SNX19: variants seen among roughly 807,000 people sequenced by gnomAD.
SNX19 encodes sorting nexin-19.
Under a neutral mutation model 85.2 loss-of-function variants are expected in SNX19, and 60 were observed. That is an observed-to-expected ratio of 0.70 (90% confidence interval 0.57 to 0.87). The LOEUF (loss-of-function observed/expected upper bound fraction) is 0.87, where lower values mean the gene tolerates loss of function less well. Among genes scored for constraint, SNX19 ranks in the 40% least tolerant of loss-of-function variants. The pLI is 0.00. For synonymous variants in SNX19, 520 were observed against 470.0 expected, an observed-to-expected ratio of 1.11 and a Z score of -1.38; for missense variants, 1,201 against 1,217.8, an observed-to-expected ratio of 0.99 and a Z score of 0.21.
chr11:130,915,498 C>A lies in SNX19; in HGVS notation c.442G>T (p.Val148Leu). 6.2e-7 allele frequency: 1 copy of A among 1,614,236 alleles called. No homozygotes were observed. The highest frequency in any genetic ancestry group is 8.5e-7 in the Non-Finnish European group (1 of 1,180,048). Residue 148 changes from valine (V) to leucine (L), a missense_variant, in exon 1 of 11, where the codon GTG (valine) becomes TTG (leucine). Physicochemically the swap from Val to Leu is conservative, Grantham distance 32. This residue lies in a region of SNX19 where 791 missense variants were observed against 750.9 expected (regional missense o/e 1.05). Transcript: ENST00000265909. ...LVQELRRRMS[V>L]MDSHAVAQSV... ...TGGGCAACAGCATGACTGTCCATCA[C>A]GCTCATCCTTCTCCGAAGCTCCTGG...
intron 10 of SNX19, 78 bp from the exon 11 acceptor site, chr11:130,878,632 C>T (rs1592270645): frequency 6.6e-7 from 1 of 1,513,440 alleles, no homozygotes; most frequent in Admixed American, 2.0e-5. Context: ...TTTATTTTCT[C>T]CTCCCCCATC....
chr11:130,879,720 G>GA lies in SNX19; in HGVS notation c.2759-10dup, dbSNP rs1226659083. ...AATTTCTACTACGAGATCTGAGGAG[G>GA]AAAAAACAGATGGAATTTGCGTGTT... On this transcript the variant is annotated splice_polypyrimidine_tract_variant and intron_variant, in intron 9 of 10. Transcript: ENST00000265909. 6.2e-7 allele frequency: 1 copy of GA among 1,612,744 alleles called. No individual in the cohort carries two copies. Among genetic ancestry groups the GA allele is most frequent in the Non-Finnish European group, 8.5e-7 (1 of 1,178,904 alleles).
intron 8 of SNX19, among the ~76,000 whole-genome samples, chr11:130,902,129 T>C (rs1441771264): frequency 6.6e-6 from 1 of 152,262 alleles, no homozygotes; most frequent in African/African-American, 2.4e-5. Flanking sequence ...AGTGTGCTAC[T>C]AATGACGACC....
chr11:130,886,413 G>A (rs779679966), intron 8 of SNX19, among the ~76,000 whole-genome samples: 4 of 152,174 alleles, frequency 2.6e-5, no homozygotes, highest in African/African-American at 7.2e-5. Flanking sequence ...TTTAAAAAAA[G>A]TTTGAAAAAC....
intron 4 of SNX19, chr11:130,908,303 T>G (rs769064259): frequency 2.9e-5 from 11 of 380,498 alleles, no homozygotes; most frequent in African/African-American, 4.1e-5. Flanking sequence ...CCTTGAGGAG[T>G]AAAACAAACA....
intron 1 of SNX19, among the ~76,000 whole-genome samples, chr11:130,913,991 C>T (rs1946344644): frequency 6.6e-6 from 1 of 152,184 alleles, no homozygotes; most frequent in Admixed American, 6.5e-5. Context: ...TGAAAGGCAG[C>T]TCAAGTGATT....
At chr11:130,893,668 C>A in intron 8 of SNX19, 1 of 631,354 alleles carries the variant, frequency 1.6e-6, no homozygotes. Flanking sequence ...GGAGCACTGA[C>A]TATGGGTAGA....
intron 1 of SNX19, among the ~76,000 whole-genome samples, chr11:130,912,985 A>G (rs932378273): frequency 1.6e-4 from 25 of 152,188 alleles, no homozygotes; most frequent in African/African-American, 6.0e-4. Flanking sequence ...ATAATTGGCT[A>G]TATTATTTCG....
rs746428547 is a variant in SNX19 at position 130,914,577 on chromosome 11, C to G, written c.1363G>C (p.Glu455Gln). 7.4e-6 allele frequency: 12 copies of G among 1,613,872 alleles called. No homozygotes were observed. The highest frequency in any genetic ancestry group is 1.3e-5 in the African/African-American group (1 of 74,926). ...PEIHIDTADK[E>Q]IEQGDVTASV... The stretch of plus-strand genomic sequence containing the variant: ...GCGGTAACATCTCCTTGTTCTATCT[C>G]CTTGTCTGCTGTGTCAATATGGATC... Residue 455 changes from glutamate (E) to glutamine (Q), a missense_variant, in exon 1 of 11, where the codon GAG becomes CAG. Transcript: ENST00000265909.
At position 130,915,436 on chromosome 11, in the gene SNX19, G is replaced by A. The variant is rs1473398358; in HGVS notation, c.504C>T (p.Ser168=). The A allele has an allele frequency of 6.2e-7, 1 of 1,613,994 alleles. No homozygotes were observed. The highest frequency in any genetic ancestry group is 1.7e-5 in the Admixed American group (1 of 60,032). The change falls in exon 1 of 11, where the codon AGC becomes AGT. Residue 168 remains serine, a synonymous_variant. Transcript: ENST00000265909. The part of the protein sequence containing the change: ...VLTLCGCHLQ[S]YIQAKEATAG... Reference sequence around the variant, plus strand: ...CAGTGGCCTCCTTTGCCTGAATGTAGCTCTGCAGGTGACAACCGCAGAGAG... The same window carrying A: ...CAGTGGCCTCCTTTGCCTGAATGTAACTCTGCAGGTGACAACCGCAGAGAG...
At chr11:130,905,588 G>A in intron 7 of SNX19, 1 of 1,269,940 alleles carries the variant, frequency 7.9e-7, no homozygotes, top group East Asian at 2.7e-5. Context: ...CCACGAAAAA[G>A]GCATGAAGGA....
rs1565541186 is a variant in SNX19 at position 130,906,119 on chromosome 11, TAG to T, written c.2275_2276del (p.Leu759IlefsTer10). ...TAAAAGATTCCATCGCAGACATGGA[TAG>T]AGTCTCAGACTCCTAAGAAATAGTC... ...LQEGNVESET[L>X]SMSAMESFIE... On this transcript the variant is annotated frameshift_variant, in exon 7 of 11. Transcript: ENST00000265909. LOFTEE classifies it high-confidence loss of function. The T allele has an allele frequency of 6.2e-7, 1 of 1,613,936 alleles. No homozygotes were observed.
chr11:130,880,831 TTAGA>T (rs1943618856), intron 8 of SNX19, 25 bp from the exon 9 acceptor site: 3 of 1,521,006 alleles, frequency 2.0e-6, no homozygotes, highest in Non-Finnish European at 2.7e-6. Context: ...AGACGAAAGC[TTAGA>T]TAAAGCTGAA....
rs1170095831 is a variant in SNX19, at chr11:130,872,801, C to G, written c.*5621G>C. On this transcript the variant is annotated 3_prime_UTR_variant, in exon 11 of 11. Coordinates refer to ENST00000265909, the MANE Select transcript of SNX19 (RefSeq NM_014758.3). ...TTCCTCCCCAGTTACCATTCTTTCC[C>G]TGGTTCCCATCCCCTTCCACATCCA... Among the ~76,000 whole-genome samples, 1 of 152,156 alleles carries G rather than the reference C, an allele frequency of 6.6e-6. No homozygotes were observed. Among genetic ancestry groups the G allele is most frequent in the Non-Finnish European group, 1.5e-5 (1 of 68,040 alleles).
intron 8 of SNX19, among the ~76,000 whole-genome samples, chr11:130,891,399 G>A (rs1407096714): frequency 6.6e-6 from 1 of 152,192 alleles, no homozygotes; most frequent in Non-Finnish European, 1.5e-5. Context: ...GCAAGGGAGT[G>A]GGTCAGCCAT....
At chr11:130,910,817 CA>C (rs1278105658) in intron 2 of SNX19, among the ~76,000 whole-genome samples, 1 of 152,164 alleles carries the variant, frequency 6.6e-6, no homozygotes, top group Non-Finnish European at 1.5e-5. Flanking sequence ...AATTTATGCC[CA>C]AACTTATTCA....
chr11:130,881,126 G>A (rs1024789823), intron 8 of SNX19: 62 of 220,338 alleles, frequency 2.8e-4, no homozygotes, highest in Non-Finnish European at 1.6e-4. Flanking sequence ...TGAACCTCCC[G>A]GCCTTTAGAA....
Position 130,915,801 on chromosome 11 carries a change from T to C in SNX19, c.139A>G (p.Asn47Asp), listed in dbSNP as rs1416097152. 3.1e-6 allele frequency: 5 copies of C among 1,614,126 alleles called. No homozygotes were observed. In the East Asian group the frequency reaches 6.7e-5, roughly 22 times the overall value. Residue 47 changes from asparagine (N) to aspartate (D), a missense_variant, in exon 1 of 11, where the codon AAC becomes GAC. Physicochemically the swap from Asn to Asp is conservative, Grantham distance 23. Transcript: ENST00000265909. ...GWLLVIHLLVNVWLLCLLSAL... is the reference protein window; with the variant it reads ...GWLLVIHLLVDVWLLCLLSAL... The stretch of plus-strand genomic sequence containing the variant: ...GACAGAAGGCACAGCAGCCACACGT[T>C]GACCAGAAGGTGTATGACCAGGAGC...
At position 130,910,105 on chromosome 11, in the gene SNX19, A is replaced by G. The variant is rs772854513; in HGVS notation, c.1947T>C (p.Ser649=). 1.2e-6 allele frequency: 2 copies of G among 1,614,024 alleles called. No individual in the cohort carries two copies. The highest frequency in any genetic ancestry group is 2.7e-5 in the African/African-American group (2 of 74,910). ...QLCAIPEIAN[S]EEVQEFLALN... is the part of the protein sequence containing the mutation. ...GAGCAAGGAACTCCTGCACCTCCTCACTGTTAGCGATCTCCGGAATGGCAC... is the reference window on the plus strand; with the variant it reads ...GAGCAAGGAACTCCTGCACCTCCTCGCTGTTAGCGATCTCCGGAATGGCAC... Residue 649 remains serine, a synonymous_variant, in exon 4 of 11, where the codon AGT becomes AGC. Coordinates refer to ENST00000265909, the MANE Select transcript of SNX19 (RefSeq NM_014758.3).
Sources: allele counts gnomAD v4.1 joint callset (sites outside exome capture counted in the v4.1 genomes callset), GRCh38; gene constraint gnomAD v4.1.1; regional missense constraint gnomAD v4.1.1; transcripts MANE v1.5; gene names NCBI Gene and HGNC (gene_info 2026-07-23, HGNC 2026-07-21).